CSMD2: variants seen among roughly 807,000 people sequenced by gnomAD.
CSMD2 encodes the protein CUB and sushi domain-containing protein 2.
A neutral mutation model predicts 398.5 loss-of-function variants in CSMD2; 130 were observed. The ratio of observed to expected loss-of-function variants is 0.33; its 90% CI spans 0.28 to 0.38. CSMD2 has a LOEUF of 0.38. Ranked by LOEUF, CSMD2 falls within the 10% of genes least tolerant of loss-of-function variation. The pLI, the probability that CSMD2 is intolerant of heterozygous loss-of-function variation, is 1.00. For missense variants in CSMD2, 3,829 were observed against 4,764.9 expected (o/e 0.80, Z 5.78); for synonymous variants, 1,828 against 1,908.5 (o/e 0.96, Z 1.10).
intron 5 of CSMD2, among the ~76,000 whole-genome samples, chr1:33,883,308 TGTAGTTG>T (rs891729938): frequency 6.6e-5 from 10 of 152,166 alleles, no homozygotes; most frequent in Non-Finnish European, 1.3e-4. Context: ...ACCAGCTGTG[TGTAGTTG>T]GGCAAGTTGC....
chr1:33,771,945 T>C (rs940830949), intron 13 of CSMD2, among the ~76,000 whole-genome samples: 1 of 152,174 alleles, frequency 6.6e-6, no homozygotes, highest in Non-Finnish European at 1.5e-5. Flanking sequence ...TAAGATATCA[T>C]TTGTGCTGCA....
chr1:33,745,444 A>C (rs1647269414), intron 13 of CSMD2, among the ~76,000 whole-genome samples: 1 of 152,234 alleles, frequency 6.6e-6, no homozygotes, highest in African/African-American at 2.4e-5. Flanking sequence ...GGTGTTAATT[A>C]AATTGATATT....
chr1:33,542,964 G>A, intron 57 of CSMD2, 68 bp from the exon 58 acceptor site: 1 of 1,382,128 alleles, frequency 7.2e-7, no homozygotes, highest in Non-Finnish European at 1.0e-6. Context: ...ACTGATAACT[G>A]CCCAGAGTGG....
intron 5 of CSMD2, among the ~76,000 whole-genome samples, chr1:33,911,588 A>G (rs2125265041): frequency 6.6e-6 from 1 of 152,360 alleles, no homozygotes; most frequent in Middle Eastern, 3.4e-3. Flanking sequence ...AAATCCGTCA[A>G]AGCTCTAAGG....
At chr1:34,144,168 CT>C (rs1639559138) in intron 1 of CSMD2, among the ~76,000 whole-genome samples, 1 of 152,136 alleles carries the variant, frequency 6.6e-6, no homozygotes, top group Non-Finnish European at 1.5e-5. Flanking sequence ...GGTGGGGCTC[CT>C]ACCATTCCTC....
intron 5 of CSMD2, among the ~76,000 whole-genome samples, chr1:33,868,085 A>G (rs577638979): frequency 2.0e-5 from 3 of 152,072 alleles, no homozygotes; most frequent in Admixed American, 6.6e-5. Flanking sequence ...AGAGGGAGGG[A>G]AGGAGGAGGA....
intron 3 of CSMD2, among the ~76,000 whole-genome samples, chr1:33,992,616 C>A (rs1257319944): frequency 6.6e-6 from 1 of 151,390 alleles, no homozygotes; most frequent in Non-Finnish European, 1.5e-5. Flanking sequence ...CGCCTGTAAT[C>A]CCAGCACTTT....
intron 5 of CSMD2, among the ~76,000 whole-genome samples, chr1:33,902,634 T>C (rs1468770496): frequency 6.6e-6 from 1 of 152,098 alleles, no homozygotes; most frequent in African/African-American, 2.4e-5. Flanking sequence ...GGCCCGGAGA[T>C]TAATGTCCAC....
intron 2 of CSMD2, among the ~76,000 whole-genome samples, chr1:34,073,738 G>A (rs544971513): frequency 6.6e-6 from 1 of 152,324 alleles, no homozygotes; most frequent in South Asian, 2.1e-4. Flanking sequence ...CCTTGTTTCT[G>A]GCTCTAGGAG....
intron 25 of CSMD2, among the ~76,000 whole-genome samples, chr1:33,691,965 G>A (rs369103984): frequency 9.3e-4 from 141 of 152,226 alleles, no homozygotes; most frequent in Non-Finnish European, 1.6e-3. Flanking sequence ...TCAAGGCCCC[G>A]TTTTGCCAGC....
At chr1:33,645,682 G>A (rs1643386914) in intron 29 of CSMD2, among the ~76,000 whole-genome samples, 1 of 152,280 alleles carries the variant, frequency 6.6e-6, no homozygotes, top group Admixed American at 6.5e-5. Context: ...ATATGTGCCA[G>A]GCACTGTACC....
chr1:33,750,800 T>G (rs570135201), intron 13 of CSMD2, among the ~76,000 whole-genome samples: 2 of 152,254 alleles, frequency 1.3e-5, no homozygotes, highest in Admixed American at 1.3e-4. Context: ...CACACTTCAT[T>G]CCATGTACCA....
chr1:33,736,116 T>C (rs1468809178), intron 15 of CSMD2, among the ~76,000 whole-genome samples: 2 of 152,184 alleles, frequency 1.3e-5, no homozygotes, highest in South Asian at 2.1e-4. Context: ...GGGTCTCCAA[T>C]AGACTGTCCC....
chr1:34,128,297 C>T (rs530925534), intron 1 of CSMD2, among the ~76,000 whole-genome samples: 1 of 152,314 alleles, frequency 6.6e-6, no homozygotes, highest in South Asian at 2.1e-4. Context: ...AGTGCAGAGA[C>T]TGAGGCGGAA....
At position 33,546,199 on chromosome 1, in the gene CSMD2, C is replaced by T. The variant is rs199535455; in HGVS notation, c.8938G>A (p.Gly2980Ser). Residue 2980 changes from glycine (G) to serine (S), a missense_variant, in exon 57 of 71, where the codon GGT (glycine) becomes AGT (serine). This residue lies in a region of CSMD2 where 917 missense variants were observed against 1,199.5 expected (regional missense o/e 0.76). Transcript: ENST00000373381. ...HCSGTSVGVC[G>S]DPGIPAHGIR... Reference sequence around the variant, plus strand: ...CCATGAGCCGGGATCCCAGGGTCACCGCAAACTCCCACGCTGGTTCCTATG... The same window carrying T: ...CCATGAGCCGGGATCCCAGGGTCACTGCAAACTCCCACGCTGGTTCCTATG... 161 of 1,613,688 alleles carry T rather than the reference C, an allele frequency of 1.0e-4. No individual in the cohort carries two copies. Among genetic ancestry groups the T allele is most frequent in the Admixed American group, 1.3e-4 (8 of 59,970 alleles).
intron 10 of CSMD2, among the ~76,000 whole-genome samples, chr1:33,801,013 G>T (rs1655542563): frequency 6.6e-6 from 1 of 152,130 alleles, no homozygotes; most frequent in African/African-American, 2.4e-5. Flanking sequence ...CCTGACATTT[G>T]CACTAGCTGC....
At chr1:33,695,276 G>T in intron 24 of CSMD2, among the ~76,000 whole-genome samples, 1 of 152,162 alleles carries the variant, frequency 6.6e-6, no homozygotes, top group East Asian at 1.9e-4. Context: ...AAGGACCTTG[G>T]ATACCAGGCT....
At chr1:34,153,171 C>T (rs537005075) in intron 1 of CSMD2, among the ~76,000 whole-genome samples, 2 of 152,262 alleles carry the variant, frequency 1.3e-5, no homozygotes, top group South Asian at 2.1e-4. Context: ...TGCGCACCAA[C>T]GTGCCCGGCT....
In CSMD2 at chr1:34,164,962, G is replaced by A; in HGVS notation, c.136C>T (p.Pro46Ser). 1 of 1,220,012 alleles carries A rather than the reference G, an allele frequency of 8.2e-7. No individual in the cohort carries two copies. Among genetic ancestry groups the A allele is most frequent in the Non-Finnish European group, 1.0e-6 (1 of 980,586 alleles). The allele number at this position is 1,220,012 out of a possible 1,614,324, so 75.6% of individuals were successfully genotyped here. Residue 46 changes from proline (P) to serine (S), a missense_variant, in exon 1 of 71, where the codon CCT becomes TCT. This residue lies in a region of CSMD2 where 184 missense variants were observed against 217.7 expected (regional missense o/e 0.85). Coordinates refer to ENST00000373381, the MANE Select transcript of CSMD2 (RefSeq NM_001281956.2). The surrounding 1 kb of genome is among the most constrained non-coding windows in gnomAD (Gnocchi z 6.2). ...WGRPPPPTPP[P>S]LLLLLGCGLL... The stretch of plus-strand genomic sequence containing the variant: ...CCACAGCCCAGCAACAGCAGCAGAG[G>A]CGGCGGCGTTGGCGGCGGCGGGCGG...
Sources: gnomAD v4.1 joint callset for allele counts (sites outside exome capture counted in the v4.1 genomes callset) on GRCh38, gnomAD v4.1.1 for gene constraint, gnomAD v4.1.1 regional missense constraint, Gnocchi (gnomAD v3.1) non-coding constraint, MANE v1.5 for transcripts, NCBI Gene and HGNC (gene_info 2026-07-23, HGNC 2026-07-21) for gene names.